Variants in CCNI observed in about 807,000 individuals in gnomAD.
The protein encoded by CCNI is cyclin-I.
Under a neutral mutation model 34.1 loss-of-function variants are expected in CCNI, and 14 were observed. That is an observed-to-expected ratio of 0.41 (90% CI 0.27 to 0.64). The LOEUF is 0.64. Among genes scored for constraint, CCNI ranks in the 30% least tolerant of loss-of-function variants. CCNI has a pLI of 0.31. For synonymous variants in CCNI, 154 were observed against 158.4 expected, an observed-to-expected ratio of 0.97 and a Z score of 0.21; for missense variants, 385 against 440.5, an observed-to-expected ratio of 0.87 and a Z score of 1.13.
In CCNI at chr4:77,048,962, GTTTT is replaced by G. The variant is rs538284505; in HGVS notation, c.691-304_691-301del. Among the ~76,000 whole-genome samples the G allele has an allele frequency of 2.8e-3, 134 of 47,644 alleles. 1 individual carries two copies. Among genetic ancestry groups the G allele is most frequent in the East Asian group, 0.021 (39 of 1,868 alleles). 31.3% of individuals were successfully genotyped at this position (47,644 alleles called of 152,430 possible). A position where few individuals can be genotyped will look rare whatever the true frequency, so the allele number is the denominator to read the frequency against. On this transcript the variant is annotated intron_variant, in intron 6 of 6. Coordinates refer to ENST00000237654, the MANE Select transcript of CCNI (RefSeq NM_006835.3). ...AACTACTTTTTTGTATCCAACGTCTGTTTTTTTTTTTTTTTTTTTTTTTTTTCAG... is the reference window on the plus strand; with the variant it reads ...AACTACTTTTTTGTATCCAACGTCTGTTTTTTTTTTTTTTTTTTTTTTCAG...
At chr4:77,073,876 G>C (rs566520922) in intron 1 of CCNI, among the ~76,000 whole-genome samples, 13 of 152,100 alleles carry the variant, frequency 8.5e-5, no homozygotes, top group Non-Finnish European at 1.9e-4. Flanking sequence ...AGCTTCACTT[G>C]TAAACAGCTT....
rs796559250 is a variant in CCNI, at chr4:77,075,795, G to A, written c.-367C>T. The A allele has an allele frequency of 6.5e-6, 1 of 153,398 alleles. No homozygotes were observed. The highest frequency in any genetic ancestry group is 1.4e-5 in the Non-Finnish European group (1 of 69,066). The allele number at this position is 153,398 out of a possible 1,614,324, so 9.5% of individuals were successfully genotyped here. A position where few individuals can be genotyped will look rare whatever the true frequency, so the allele number is the denominator to read the frequency against. ...GCTCCCTCTCGCCATAGGGCGGCGGGGGCCGGGGAGAGGCGGGGGGTGAGA... is the reference window on the plus strand; with the variant it reads ...GCTCCCTCTCGCCATAGGGCGGCGGAGGCCGGGGAGAGGCGGGGGGTGAGA... On this transcript the variant is annotated 5_prime_UTR_variant, in exon 1 of 7. Coordinates refer to ENST00000237654, the MANE Select transcript of CCNI (RefSeq NM_006835.3).
chr4:77,073,347 C>T (rs1560787951), intron 1 of CCNI, among the ~76,000 whole-genome samples: 1 of 152,148 alleles, frequency 6.6e-6, no homozygotes, highest in African/African-American at 2.4e-5. Context: ...CATACAGGGC[C>T]CCCTGCTCCT....
At chr4:77,057,711 TGTCA>T in intron 3 of CCNI, among the ~76,000 whole-genome samples, 1 of 152,340 alleles carries the variant, frequency 6.6e-6, no homozygotes, top group Admixed American at 6.5e-5. Context: ...ATTTGTATGC[TGTCA>T]TTCAACAAAA....
Position 77,048,173 on chromosome 4 carries a change from A to C in CCNI, c.*46T>G. On this transcript the variant is annotated 3_prime_UTR_variant, in exon 7 of 7. Transcript: ENST00000237654. The stretch of plus-strand genomic sequence containing the variant: ...CCTGATTTTGCATGTTCTCATTCCC[A>C]AAGTAGTCTACCTTAGTTTACACTC... 1 of 1,478,698 alleles carries C rather than the reference A, an allele frequency of 6.8e-7. No individual in the cohort carries two copies. The allele number at this position is 1,478,698 out of a possible 1,614,324, so 91.6% of individuals were successfully genotyped here. A position where few individuals can be genotyped will look rare whatever the true frequency, so the allele number is the denominator to read the frequency against.
At chr4:77,073,353 C>T (rs1729636933) in intron 1 of CCNI, among the ~76,000 whole-genome samples, 1 of 152,196 alleles carries the variant, frequency 6.6e-6, no homozygotes, top group South Asian at 2.1e-4. Flanking sequence ...GGGCCCCCTG[C>T]TCCTCTGAGG....
chr4:77,059,815 C>T (rs1403741201), intron 2 of CCNI, among the ~76,000 whole-genome samples: 1 of 152,096 alleles, frequency 6.6e-6, no homozygotes, highest in Non-Finnish European at 1.5e-5. Context: ...AAGCCAATCA[C>T]AAGACTTCTG....
rs1578246079 is a variant in CCNI at position 77,062,754 on chromosome 4, G to A, written c.114+3495C>T. Among the ~76,000 whole-genome samples, 4 of 151,996 alleles carry A rather than the reference G, an allele frequency of 2.6e-5. No homozygotes were observed. The South Asian group carries it at 8.3e-4, about 32-fold the overall frequency. On this transcript the variant is annotated intron_variant, in intron 2 of 6. Transcript: ENST00000237654. Reference sequence around the variant, plus strand: ...AGGGTTTTATCTTTGTAAATCAAAAGCACTTTGGCAAAATAAATTGAGAAC... The same window carrying A: ...AGGGTTTTATCTTTGTAAATCAAAAACACTTTGGCAAAATAAATTGAGAAC...
intron 5 of CCNI, among the ~76,000 whole-genome samples, chr4:77,055,611 C>T (rs761106493): frequency 9.9e-5 from 15 of 151,954 alleles, no homozygotes; most frequent in African/African-American, 7.3e-5. Flanking sequence ...CGATTACAGG[C>T]GCCTGCCACC....
At chr4:77,062,737 A>G (rs549570602) in intron 2 of CCNI, among the ~76,000 whole-genome samples, 17 of 152,316 alleles carry the variant, frequency 1.1e-4, no homozygotes, top group Admixed American at 8.5e-4. Context: ...GCAGGGTTTT[A>G]TCTTTGTAAA....
intron 6 of CCNI, among the ~76,000 whole-genome samples, chr4:77,051,834 G>C (rs914446914): frequency 2.0e-5 from 3 of 152,048 alleles, no homozygotes; most frequent in African/African-American, 7.2e-5. Flanking sequence ...ATAAATGGTA[G>C]GTCCAGATGG....
At chr4:77,068,878 T>C (rs1277552586) in intron 1 of CCNI, among the ~76,000 whole-genome samples, 1 of 152,122 alleles carries the variant, frequency 6.6e-6, no homozygotes, top group Non-Finnish European at 1.5e-5. Flanking sequence ...CTCAACTTAC[T>C]AGAGACTAAT....
chr4:77,067,817 AAAG>A (rs1207171567), intron 1 of CCNI, among the ~76,000 whole-genome samples: 33 of 138,254 alleles, frequency 2.4e-4, no homozygotes, highest in Admixed American at 4.4e-4. Flanking sequence ...AAAAAAAAAA[AAAG>A]AAGCAAACTA....
chr4:77,064,585 G>GCACACACACACACACA (rs71214329), intron 2 of CCNI: 1 of 143,034 alleles, frequency 7.0e-6, no homozygotes, highest in African/African-American at 2.6e-5. Context: ...GCGCGCGCGC[G>GCACACACACACACACA]CACACACACA....
chr4:77,047,350 TATAAC>T lies in CCNI; in HGVS notation c.*864_*868del, dbSNP rs1279543703. The T allele has an allele frequency of 6.6e-6, 1 of 152,182 alleles. No individual in the cohort carries two copies. Among genetic ancestry groups the T allele is most frequent in the Non-Finnish European group, 1.5e-5 (1 of 68,026 alleles). 9.4% of individuals were successfully genotyped at this position (152,182 alleles called of 1,614,324 possible). A position where few individuals can be genotyped will look rare whatever the true frequency, so the allele number is the denominator to read the frequency against. On this transcript the variant is annotated 3_prime_UTR_variant, in exon 7 of 7. Transcript: ENST00000237654. ...ACAAAACTAGGGTACTAAATTCAGT[TATAAC>T]ATGTTACAGACTTAAATCATAGAGC...
At chr4:77,055,464 CTTTTTTT>C in intron 5 of CCNI, 84 bp from the exon 6 acceptor site, 1 of 673,126 alleles carries the variant, frequency 1.5e-6, no homozygotes, top group Non-Finnish European at 2.4e-6. Context: ...TATTCAATTT[CTTTTTTT>C]TTTTTTTTTG....
Position 77,071,433 on chromosome 4 carries a change from C to A in CCNI, c.-44+4039G>T, listed in dbSNP as rs567379617. ...CTCAAATCAAGAGCCTAATCTTCCA[C>A]CTTAAGGTAATGGAAAAAGAAGAGT... On this transcript the variant is annotated intron_variant, in intron 1 of 6. Coordinates refer to ENST00000237654, the MANE Select transcript of CCNI (RefSeq NM_006835.3). Among the ~76,000 whole-genome samples, 18 of 152,174 alleles carry A rather than the reference C, an allele frequency of 1.2e-4. No homozygotes were observed. In the South Asian group the frequency reaches 3.7e-3, roughly 32 times the overall value.
intron 6 of CCNI, among the ~76,000 whole-genome samples, chr4:77,052,703 T>G (rs1212376979): frequency 6.6e-6 from 1 of 152,102 alleles, no homozygotes; most frequent in African/African-American, 2.4e-5. Context: ...ATGCAAGACT[T>G]TCCTATATTA....
In CCNI at chr4:77,057,831, G is replaced by A. The variant is rs77792130; in HGVS notation, c.243+676C>T. On this transcript the variant is annotated intron_variant, in intron 3 of 6. Transcript: ENST00000237654. ...ACAGTATGGATATTCAATAAGTAGT[G>A]ACAGAGAAAAACGTGCAATAGGCTT... Among the ~76,000 whole-genome samples, 435 of 152,288 alleles carry A rather than the reference G, an allele frequency of 2.9e-3. 1 individual carries two copies. Among genetic ancestry groups the A allele is most frequent in the African/African-American group, 1.0e-2 (415 of 41,558 alleles).
Sources: allele counts gnomAD v4.1 joint callset (sites outside exome capture counted in the v4.1 genomes callset), GRCh38; gene constraint gnomAD v4.1.1; transcripts MANE v1.5; gene names NCBI Gene and HGNC (gene_info 2026-07-23, HGNC 2026-07-21).